DESI2: variants seen among roughly 807,000 people sequenced by gnomAD.
DESI2 encodes deubiquitinase DESI2.
Under a neutral mutation model 24.1 loss-of-function variants are expected in DESI2, and 10 were observed. That is an observed-to-expected ratio of 0.41 (90% CI 0.26 to 0.70). The LOEUF is 0.70. Among genes scored for constraint, DESI2 ranks in the 30% least tolerant of loss-of-function variants. The pLI is 0.29. For missense variants in DESI2, 122 were observed against 234.9 expected, an observed-to-expected ratio of 0.52 and a Z score of 3.14; for synonymous variants, 71 against 87.7, an observed-to-expected ratio of 0.81 and a Z score of 1.06.
In DESI2 at chr1:244,686,585, T is replaced by C. The variant is rs201617129; in HGVS notation, c.43-12T>C. Reference sequence around the variant, plus strand: ...ACAGGTATTCTGAATCTTTTCTTTCTTTTTTTCTCAGTATTGGATGAACGA... The same window carrying C: ...ACAGGTATTCTGAATCTTTTCTTTCCTTTTTTCTCAGTATTGGATGAACGA... On this transcript the variant is annotated splice_polypyrimidine_tract_variant and intron_variant, in intron 1 of 4. Coordinates refer to ENST00000302550, the MANE Select transcript of DESI2 (RefSeq NM_016076.5). 7 of 1,574,856 alleles carry C rather than the reference T, an allele frequency of 4.4e-6. No homozygotes were observed. The highest frequency in any genetic ancestry group is 2.2e-5 in the East Asian group (1 of 44,656).
chr1:244,664,341 A>G (rs536313732), intron 1 of DESI2, among the ~76,000 whole-genome samples: 2 of 152,316 alleles, frequency 1.3e-5, no homozygotes, highest in African/African-American at 4.8e-5. Flanking sequence ...GTATGTGTTA[A>G]TTTTTTTCAT....
rs1355731981 is a variant in DESI2 at position 244,706,017 on chromosome 1, TC to T, written c.*229del. 1.9e-6 allele frequency: 1 copy of T among 522,146 alleles called. No homozygotes were observed. The highest frequency in any genetic ancestry group is 1.9e-5 in the African/African-American group (1 of 52,360). The allele number at this position is 522,146 out of a possible 1,614,324, so 32.3% of individuals were successfully genotyped here. A position where few individuals can be genotyped will look rare whatever the true frequency, so the allele number is the denominator to read the frequency against. On this transcript the variant is annotated 3_prime_UTR_variant, in exon 5 of 5. Transcript: ENST00000302550. ...TCTGTTTTTTTTATCCACTCGTAAA[TC>T]TGGATTTATTTCTTCTGTTTTATAC...
At chr1:244,690,118 G>A (rs1362381804) in intron 3 of DESI2, among the ~76,000 whole-genome samples, 2 of 152,070 alleles carry the variant, frequency 1.3e-5, no homozygotes, top group Non-Finnish European at 2.9e-5. Context: ...TGTGCACAAC[G>A]TGCAGGTTTG....
chr1:244,673,922 C>T (rs1676326328), intron 1 of DESI2, among the ~76,000 whole-genome samples: 2 of 151,056 alleles, frequency 1.3e-5, no homozygotes, highest in South Asian at 4.2e-4. Context: ...TTTAGGTTTG[C>T]CAACTAAAAC....
chr1:244,695,933 AC>A (rs1224142323), intron 4 of DESI2, among the ~76,000 whole-genome samples: 1 of 151,976 alleles, frequency 6.6e-6, no homozygotes, highest in Non-Finnish European at 1.5e-5. Flanking sequence ...GCCACTATGT[AC>A]AGCTTTTGTA....
At chr1:244,655,013 C>T (rs1452079196) in intron 1 of DESI2, among the ~76,000 whole-genome samples, 3 of 152,072 alleles carry the variant, frequency 2.0e-5, no homozygotes, top group Admixed American at 6.6e-5. Context: ...TATATGAAAA[C>T]GAAAATGCAT....
chr1:244,696,666 A>G (rs372424666), intron 4 of DESI2, among the ~76,000 whole-genome samples: 1 of 152,160 alleles, frequency 6.6e-6, no homozygotes, highest in East Asian at 1.9e-4. Flanking sequence ...GTTCCTATAC[A>G]GAAGAGTTAA....
At chr1:244,667,004 C>T (rs755379740) in intron 1 of DESI2, among the ~76,000 whole-genome samples, 1 of 152,076 alleles carries the variant, frequency 6.6e-6, no homozygotes, top group African/African-American at 2.4e-5. Flanking sequence ...AATTACCTCC[C>T]CCTGGGTCCC....
intron 1 of DESI2, among the ~76,000 whole-genome samples, chr1:244,655,394 G>A (rs1021787): frequency 3.2e-3 from 481 of 152,322 alleles, no homozygotes; most frequent in Middle Eastern, 0.014. Context: ...TTATCGGAAT[G>A]ATAAATAGTT....
At chr1:244,678,807 T>C (rs940440703) in intron 1 of DESI2, among the ~76,000 whole-genome samples, 1 of 152,178 alleles carries the variant, frequency 6.6e-6, no homozygotes, top group South Asian at 2.1e-4. Context: ...CACTTTAAAA[T>C]AGAGCCGCCT....
At chr1:244,661,558 G>T (rs533764956) in intron 1 of DESI2, among the ~76,000 whole-genome samples, 1 of 137,986 alleles carries the variant, frequency 7.2e-6, no homozygotes, top group Non-Finnish European at 1.6e-5. Flanking sequence ...ATCCCTCCCC[G>T]CTCCCCCCAC....
chr1:244,656,781 ATTTAT>A (rs1169522933), intron 1 of DESI2, among the ~76,000 whole-genome samples: 2 of 152,040 alleles, frequency 1.3e-5, no homozygotes, highest in African/African-American at 4.8e-5. Flanking sequence ...AGTTTTATTT[ATTTAT>A]TTTATTTATT....
At chr1:244,657,473 A>T (rs539427554) in intron 1 of DESI2, among the ~76,000 whole-genome samples, 1 of 152,190 alleles carries the variant, frequency 6.6e-6, no homozygotes, top group Admixed American at 6.5e-5. Flanking sequence ...CCTGGGAGTA[A>T]ACTTAAATTC....
intron 2 of DESI2, among the ~76,000 whole-genome samples, chr1:244,687,705 C>G (rs1054233550): frequency 1.3e-5 from 2 of 152,174 alleles, no homozygotes; most frequent in African/African-American, 4.8e-5. Context: ...CATTTAAGCT[C>G]TATTTTACTT....
chr1:244,706,343 C>T lies in DESI2; in HGVS notation c.*554C>T, dbSNP rs1374043931. 1.3e-5 allele frequency: 2 copies of T among 154,054 alleles called. No individual in the cohort carries two copies. Among genetic ancestry groups the T allele is most frequent in the African/African-American group, 2.4e-5 (1 of 41,328 alleles). The allele number at this position is 154,054 out of a possible 1,614,324, so 9.5% of individuals were successfully genotyped here. A position where few individuals can be genotyped will look rare whatever the true frequency, so the allele number is the denominator to read the frequency against. On this transcript the variant is annotated 3_prime_UTR_variant, in exon 5 of 5. Coordinates refer to ENST00000302550, the MANE Select transcript of DESI2 (RefSeq NM_016076.5). ...GCCTGAGGTGAAGGAGCACACAGCC[C>T]TGAGGGCTTGGAACCCTGGGTCCAG...
rs532773045 is a variant in DESI2 at position 244,706,340 on chromosome 1, GCCCTGAGGGCTTGGAA to G, written c.*557_*572del. The G allele has an allele frequency of 9.7e-3, 1,530 of 156,934 alleles. 12 individuals are homozygous for G. Among genetic ancestry groups the G allele is most frequent in the Non-Finnish European group, 0.017 (1,234 of 70,878 alleles). 9.7% of individuals were successfully genotyped at this position (156,934 alleles called of 1,614,324 possible). A position where few individuals can be genotyped will look rare whatever the true frequency, so the allele number is the denominator to read the frequency against. On this transcript the variant is annotated 3_prime_UTR_variant, in exon 5 of 5. Coordinates refer to ENST00000302550, the MANE Select transcript of DESI2 (RefSeq NM_016076.5). The stretch of plus-strand genomic sequence containing the variant: ...CTGGCCTGAGGTGAAGGAGCACACA[GCCCTGAGGGCTTGGAA>G]CCCTGGGTCCAGTTCCTCTTCACAC...
chr1:244,703,600 C>G (rs1451186341), intron 4 of DESI2, among the ~76,000 whole-genome samples: 1 of 151,580 alleles, frequency 6.6e-6, no homozygotes, highest in Non-Finnish European at 1.5e-5. Flanking sequence ...ATCCTCCTGC[C>G]TTGGACTTCC....
rs1677750232 is a variant in DESI2, at chr1:244,707,417, G to A, written c.*1628G>A. On this transcript the variant is annotated 3_prime_UTR_variant, in exon 5 of 5. Transcript: ENST00000302550. ...TTTCGACTGTTCTGTTTCCAGAGAG[G>A]AAAGCCTTTACAAATTACTCTCAGT... The A allele has an allele frequency of 3.9e-5, 6 of 152,608 alleles. No homozygotes were observed. The highest frequency in any genetic ancestry group is 3.9e-4 in the Admixed American group (6 of 15,280). 9.5% of individuals were successfully genotyped at this position (152,608 alleles called of 1,614,324 possible).
chr1:244,653,465 G>A (rs1675533423), intron 1 of DESI2, 110 bp downstream of exon 1: 3 of 1,185,528 alleles, frequency 2.5e-6, no homozygotes, highest in African/African-American at 3.2e-5. Flanking sequence ...TCCGCCTCCA[G>A]CCTAGTTCTC....
Sources: allele counts gnomAD v4.1 joint callset (sites outside exome capture counted in the v4.1 genomes callset), GRCh38; gene constraint gnomAD v4.1.1; transcripts MANE v1.5; gene names NCBI Gene and HGNC (gene_info 2026-07-23, HGNC 2026-07-21).